The following SMIM36 variants were observed in gnomAD, a reference collection of about 807,000 sequenced individuals.
SMIM36 encodes small integral membrane protein 36.
rs368612632 is a variant in SMIM36, at chr17:55,464,777, T to TA, written c.*531+2367dup. On this transcript the variant is annotated intron_variant, in intron 4 of 4. Transcript: ENST00000636752. ...CTGACAGTTACACAAATGCTATTGA[T>TA]AAAGATGGGAACCAGTTCCCTAATC... is the stretch of plus-strand genomic sequence containing the variant. 7.9e-4 allele frequency among the ~76,000 whole-genome samples: 120 copies of TA among 152,364 alleles called. 1 individual carries two copies. The East Asian group carries it at 0.019, about 24-fold the overall frequency.
chr17:55,470,768 G>A (rs1323925306), intron 3 of SMIM36, among the ~76,000 whole-genome samples: 3 of 151,892 alleles, frequency 2.0e-5, no homozygotes, highest in Admixed American at 6.6e-5. Context: ...CTTGGTGACC[G>A]ATCATGCACC....
chr17:55,519,754 G>A, the SMIM36 span, among the ~76,000 whole-genome samples: 3 of 152,180 alleles, frequency 2.0e-5, no homozygotes, highest in Non-Finnish European at 2.9e-5. Flanking sequence ...GGCATTTGGC[G>A]AGTAAGTCTG....
At chr17:55,466,279 A>AAAAC (rs1267559868) in intron 4 of SMIM36, among the ~76,000 whole-genome samples, 11 of 120,314 alleles carry the variant, frequency 9.1e-5, no homozygotes, top group African/African-American at 4.0e-4. Flanking sequence ...CTCCGTCTCA[A>AAAAC]AAAAAAAAAA....
chr17:55,522,125 A>G, the SMIM36 span, among the ~76,000 whole-genome samples: 1 of 152,068 alleles, frequency 6.6e-6, no homozygotes, highest in African/African-American at 2.4e-5. Context: ...TCTCATTTTC[A>G]AATACTTTCT....
the SMIM36 span, among the ~76,000 whole-genome samples, chr17:55,528,555 C>CTT: frequency 2.9e-5 from 4 of 139,464 alleles, no homozygotes; most frequent in Admixed American, 7.2e-5. Flanking sequence ...CTTTTCTTTT[C>CTT]TTTTTTTTTT....
At chr17:55,522,490 A>C in the SMIM36 span, among the ~76,000 whole-genome samples, 268 of 152,306 alleles carry the variant, frequency 1.8e-3, no homozygotes, top group African/African-American at 6.1e-3. Flanking sequence ...TGGGGAACAA[A>C]TTCACATCTT....
chr17:55,458,671 T>G (rs1307794337), intron 4 of SMIM36, among the ~76,000 whole-genome samples: 1 of 148,370 alleles, frequency 6.7e-6, no homozygotes, highest in African/African-American at 2.5e-5. Context: ...TGAGAAGAGC[T>G]CGCAGAAGAG....
intron 1 of SMIM36, among the ~76,000 whole-genome samples, chr17:55,491,905 T>A (rs181302996): frequency 1.2e-3 from 179 of 152,210 alleles, no homozygotes; most frequent in Non-Finnish European, 1.6e-3. Flanking sequence ...CACACCTGTA[T>A]TCCCAGCACT....
At chr17:55,511,780 A>G (rs1377233707), upstream of SMIM36, among the ~76,000 whole-genome samples, 2 of 152,220 alleles carry the variant, frequency 1.3e-5, no homozygotes, top group African/African-American at 4.8e-5. Context: ...AGTGCCATGT[A>G]TGGAGTGATT....
chr17:55,511,962 A>G (rs1047413527), upstream of SMIM36, among the ~76,000 whole-genome samples: 1 of 152,226 alleles, frequency 6.6e-6, no homozygotes, highest in African/African-American at 2.4e-5. Flanking sequence ...ACACTAAGCA[A>G]AGGGGATATG....
chr17:55,470,642 C>G (rs1183678990), intron 3 of SMIM36, among the ~76,000 whole-genome samples: 2 of 152,166 alleles, frequency 1.3e-5, no homozygotes, highest in Admixed American at 1.3e-4. Context: ...CCTGACTACT[C>G]CTGGACTACA....
chr17:55,479,951 AC>A (rs1909491893), intron 1 of SMIM36, among the ~76,000 whole-genome samples: 1 of 152,110 alleles, frequency 6.6e-6, no homozygotes, highest in African/African-American at 2.4e-5. Context: ...TGTGAACATT[AC>A]TTTTGACCAC....
the SMIM36 span, among the ~76,000 whole-genome samples, chr17:55,519,875 A>G: frequency 6.6e-6 from 1 of 152,186 alleles, no homozygotes; most frequent in Non-Finnish European, 1.5e-5. Context: ...CACCTACTTA[A>G]ATTGTAGGTC....
At chr17:55,509,817 G>C (rs1018433678) in intron 1 of SMIM36, among the ~76,000 whole-genome samples, 10 of 152,086 alleles carry the variant, frequency 6.6e-5, no homozygotes, top group African/African-American at 2.4e-4. Context: ...CTAATGAACA[G>C]GGGAAAAAAC....
At chr17:55,488,148 T>A (rs1909640098) in intron 1 of SMIM36, among the ~76,000 whole-genome samples, 1 of 152,246 alleles carries the variant, frequency 6.6e-6, no homozygotes, top group Non-Finnish European at 1.5e-5. Context: ...TCAGCCAACA[T>A]CTCAAAGTCA....
intron 1 of SMIM36, among the ~76,000 whole-genome samples, chr17:55,484,159 CA>C (rs200264173): frequency 4.7e-5 from 7 of 150,130 alleles, no homozygotes; most frequent in African/African-American, 1.2e-4. Context: ...AAACAAACAA[CA>C]AAAAAAACTC....
At chr17:55,522,967 A>G in the SMIM36 span, among the ~76,000 whole-genome samples, 1 of 152,216 alleles carries the variant, frequency 6.6e-6, no homozygotes, top group Admixed American at 6.5e-5. Context: ...CATCTCTTCC[A>G]ATATTAGGAA....
intron 1 of SMIM36, among the ~76,000 whole-genome samples, chr17:55,495,095 T>C (rs1351067077): frequency 6.6e-6 from 1 of 152,230 alleles, no homozygotes; most frequent in Non-Finnish European, 1.5e-5. Context: ...GCATAGCATC[T>C]GCACAAAGTA....
intron 3 of SMIM36, among the ~76,000 whole-genome samples, chr17:55,471,220 G>A (rs563169546): frequency 6.6e-6 from 1 of 152,196 alleles, no homozygotes; most frequent in African/African-American, 2.4e-5. Context: ...TCAGGGACAG[G>A]CCACACTACT....
Sources: allele counts gnomAD v4.1 joint callset (sites outside exome capture counted in the v4.1 genomes callset), GRCh38; gene constraint gnomAD v4.1.1; transcripts MANE v1.5; gene names NCBI Gene and HGNC (gene_info 2026-07-23, HGNC 2026-07-21).